The following TBC1D5 variants were observed in gnomAD, a reference collection of about 807,000 sequenced individuals.
TBC1D5 encodes the protein TBC1 domain family member 5, also known as TBC1 domain family, member 5.
A neutral mutation model predicts 100.3 loss-of-function variants in TBC1D5; 75 were observed. The ratio of observed to expected loss-of-function variants is 0.75; its 90% CI spans 0.62 to 0.91. The LOEUF is 0.91. TBC1D5 is among the 40% of genes least tolerant of loss of function. The pLI is 0.00. For synonymous variants in TBC1D5, 323 were observed against 325.6 expected, an observed-to-expected ratio of 0.99 and a Z score of 0.09; for missense variants, 910 against 942.4, an observed-to-expected ratio of 0.97 and a Z score of 0.45.
chr3:17,457,709 T>C (rs1268652370), intron 3 of TBC1D5, among the ~76,000 whole-genome samples: 3 of 152,304 alleles, frequency 2.0e-5, no homozygotes, highest in South Asian at 2.1e-4. Flanking sequence ...GTTTTTTTTT[T>C]CTTGCGCGTT....
chr3:17,553,543 T>C (rs910884862), intron 2 of TBC1D5, among the ~76,000 whole-genome samples: 1 of 152,212 alleles, frequency 6.6e-6, no homozygotes, highest in African/African-American at 2.4e-5. Flanking sequence ...TATATGTACA[T>C]GTCCCAAATC....
chr3:17,442,733 C>G (rs2094693734), intron 3 of TBC1D5, among the ~76,000 whole-genome samples: 2 of 152,150 alleles, frequency 1.3e-5, no homozygotes, highest in African/African-American at 4.8e-5. Context: ...ACGCAAGGAG[C>G]AGACTAAAAA....
chr3:17,732,404 T>C (rs1421629213), intron 1 of TBC1D5, among the ~76,000 whole-genome samples: 2 of 152,044 alleles, frequency 1.3e-5, no homozygotes, highest in Non-Finnish European at 2.9e-5. Context: ...CTTTGTAACA[T>C]TCAACCACTC....
At chr3:17,591,259 A>C (rs1265428281) in intron 2 of TBC1D5, among the ~76,000 whole-genome samples, 3 of 117,012 alleles carry the variant, frequency 2.6e-5, no homozygotes, top group Non-Finnish European at 5.3e-5. Flanking sequence ...AAAAAAAAAA[A>C]AAAAAAACAA....
At chr3:17,602,561 ATTTTTTTTTTTTTTT>A (rs33956978) in intron 2 of TBC1D5, among the ~76,000 whole-genome samples, 4 of 74,480 alleles carry the variant, frequency 5.4e-5, no homozygotes, top group Non-Finnish European at 9.9e-5. Context: ...AGAGAATCAG[ATTTTTTTTTTTTTTT>A]TTTTTTTTTT....
rs372805084 is a variant in TBC1D5 at position 17,205,408 on chromosome 3, T to C, written c.1752+8799A>G. On this transcript the variant is annotated intron_variant, in intron 18 of 21. Coordinates refer to ENST00000253692, the Ensembl canonical transcript of TBC1D5. The stretch of plus-strand genomic sequence containing the variant: ...CAGATAACTAGGAAAATTCTAGTCT[T>C]CTGGGAAGGCTGCTCTGCTCAATTT... 3.9e-4 allele frequency among the ~76,000 whole-genome samples: 59 copies of C among 152,276 alleles called. 3 individuals are homozygous for C. The South Asian group carries it at 0.011, about 27-fold the overall frequency.
At chr3:17,412,047 G>C (rs1272163636) in intron 4 of TBC1D5, among the ~76,000 whole-genome samples, 1 of 152,174 alleles carries the variant, frequency 6.6e-6, no homozygotes. Flanking sequence ...CCTACTATGT[G>C]CTTAGCACTC....
intron 2 of TBC1D5, among the ~76,000 whole-genome samples, chr3:17,608,262 C>T (rs540647344): frequency 2.0e-5 from 3 of 151,768 alleles, no homozygotes; most frequent in East Asian, 1.9e-4. Context: ...GTCTCAAAAA[C>T]GAAAACAAAA....
In TBC1D5 at chr3:17,419,103, C is replaced by T. The variant is rs144381977; in HGVS notation, c.167+9347G>A. On this transcript the variant is annotated intron_variant, in intron 4 of 21. Transcript: ENST00000253692. Reference sequence around the variant, plus strand: ...AGAAAGAAGAGCCCTCATGCACATACGCTGAAGAAATATTACAAAGACTCT... The same window carrying T: ...AGAAAGAAGAGCCCTCATGCACATATGCTGAAGAAATATTACAAAGACTCT... 3.5e-4 allele frequency among the ~76,000 whole-genome samples: 54 copies of T among 152,302 alleles called. No individual in the cohort carries two copies. The East Asian group carries it at 8.3e-3, about 23-fold the overall frequency.
At chr3:17,352,280 A>G (rs931555231) in intron 13 of TBC1D5, among the ~76,000 whole-genome samples, 1 of 152,010 alleles carries the variant, frequency 6.6e-6, no homozygotes, top group Non-Finnish European at 1.5e-5. Context: ...TTAGTCTTTA[A>G]ATGCATTTTT....
At chr3:17,346,773 C>T (rs1378052698) in intron 13 of TBC1D5, among the ~76,000 whole-genome samples, 1 of 152,122 alleles carries the variant, frequency 6.6e-6, no homozygotes, top group South Asian at 2.1e-4. Flanking sequence ...GTATGCATAA[C>T]AGATTTATTA....
chr3:17,548,649 G>C (rs2096442775), intron 2 of TBC1D5, among the ~76,000 whole-genome samples: 1 of 152,138 alleles, frequency 6.6e-6, no homozygotes, highest in Non-Finnish European at 1.5e-5. Flanking sequence ...ACATGGTAGG[G>C]AAAAGAGTAG....
intron 18 of TBC1D5, among the ~76,000 whole-genome samples, chr3:17,200,089 C>T (rs1416527198): frequency 6.6e-6 from 1 of 152,136 alleles, no homozygotes; most frequent in Non-Finnish European, 1.5e-5. Context: ...TTATTCTTTT[C>T]TCTCTTTTCA....
intron 2 of TBC1D5, among the ~76,000 whole-genome samples, chr3:17,534,115 C>T (rs2096261063): frequency 6.6e-6 from 1 of 152,050 alleles, no homozygotes; most frequent in African/African-American, 2.4e-5. Flanking sequence ...AAAAGAATCA[C>T]CCATTTTTAT....
chr3:17,424,244 A>G (rs2094286039), intron 4 of TBC1D5, among the ~76,000 whole-genome samples: 1 of 152,228 alleles, frequency 6.6e-6, no homozygotes, highest in Non-Finnish European at 1.5e-5. Flanking sequence ...AGCAGCTGGT[A>G]CTACAGCTAA....
exon 17 of TBC1D5, chr3:17,238,385 T>C: frequency 6.2e-7 from 1 of 1,613,840 alleles, no homozygotes; most frequent in East Asian, 2.2e-5. Context: ...TTAGAGACCT[T>C]ATTTATATTC....
intron 18 of TBC1D5, among the ~76,000 whole-genome samples, chr3:17,198,300 T>C (rs2070993207): frequency 6.6e-6 from 1 of 152,156 alleles, no homozygotes. Flanking sequence ...TTGTGGGCAG[T>C]GGCTGGGCCT....
intron 14 of TBC1D5, among the ~76,000 whole-genome samples, chr3:17,295,161 T>C (rs1016192193): frequency 2.6e-5 from 4 of 152,194 alleles, no homozygotes; most frequent in Non-Finnish European, 5.9e-5. Context: ...AAAGAGTTGA[T>C]TTAGGGAAGG....
chr3:17,422,151 G>GT (rs2094221907), intron 4 of TBC1D5, among the ~76,000 whole-genome samples: 1 of 151,872 alleles, frequency 6.6e-6, no homozygotes, highest in South Asian at 2.1e-4. Flanking sequence ...TTCTGTTTTT[G>GT]TTTTTTGGTT....
Sources: gnomAD v4.1 joint callset for allele counts (sites outside exome capture counted in the v4.1 genomes callset) on GRCh38, gnomAD v4.1.1 for gene constraint, MANE v1.5 for transcripts, NCBI Gene and HGNC (gene_info 2026-07-23, HGNC 2026-07-21) for gene names.